The following SLC9A2 variants were observed in gnomAD, a reference collection of about 807,000 sequenced individuals.
The protein encoded by SLC9A2 is solute carrier family 9 member A2, also known as sodium/hydrogen exchanger 2.
In SLC9A2, 42 loss-of-function variants were observed where a neutral mutation model predicts 71.7. The ratio of observed to expected loss-of-function variants is 0.59; its 90% CI spans 0.46 to 0.76. The LOEUF (loss-of-function observed/expected upper bound fraction) is 0.76. SLC9A2 is among the 30% of genes least tolerant of loss of function. The probability of loss-of-function intolerance (pLI) is 0.00; values close to 1 mark genes in which losing one functional copy is unlikely to be tolerated. For synonymous variants in SLC9A2, 396 were observed against 392.5 expected (o/e 1.01, Z -0.10); for missense variants, 829 against 1,017.4 (o/e 0.81, Z 2.52).
In SLC9A2 at chr2:102,669,223, C is replaced by T. The variant is rs112281613; in HGVS notation, c.1004+3873C>T. Among the ~76,000 whole-genome samples the T allele has an allele frequency of 7.4e-3, 1,128 of 152,230 alleles. 6 individuals carry two copies. The highest frequency in any genetic ancestry group is 0.012 in the Non-Finnish European group (820 of 68,000). ...TCTTACAAAATATTTGGAGAGATGT[C>T]TTCTGAGTATTCTTAAATTTGGTTT... On this transcript the variant is annotated intron_variant, in intron 3 of 11. Coordinates refer to ENST00000233969, the MANE Select transcript of SLC9A2 (RefSeq NM_003048.6).
At chr2:102,665,452 G>A in intron 3 of SLC9A2, 102 bp downstream of exon 3, 1 of 1,240,872 alleles carries the variant, frequency 8.1e-7, no homozygotes, top group Non-Finnish European at 1.1e-6. Flanking sequence ...GAAACACTAG[G>A]TTTTCTTATT....
intron 1 of SLC9A2, among the ~76,000 whole-genome samples, chr2:102,642,494 A>T (rs1483414488): frequency 5.3e-5 from 8 of 152,060 alleles, no homozygotes; most frequent in African/African-American, 2.4e-5. Flanking sequence ...TTGAATATTG[A>T]ACCAGCCTTG....
intron 11 of SLC9A2, among the ~76,000 whole-genome samples, chr2:102,707,295 C>CTTTT (rs1186668605): frequency 1.4e-5 from 1 of 70,836 alleles, no homozygotes; most frequent in African/African-American, 4.8e-5. Context: ...CATTACCCCT[C>CTTTT]TTTTTTTATT....
At chr2:102,700,708 G>C (rs13412259) in intron 7 of SLC9A2, among the ~76,000 whole-genome samples, 36,167 of 151,958 alleles carry the variant, frequency 0.24, 4,687 homozygotes, top group Middle Eastern at 0.31. Flanking sequence ...GTAGAGAAAT[G>C]GTAAAGACAG....
At chr2:102,632,239 C>CATAT (rs369483748) in intron 1 of SLC9A2, among the ~76,000 whole-genome samples, 10 of 136,076 alleles carry the variant, frequency 7.3e-5, no homozygotes, top group African/African-American at 2.7e-4. Context: ...ATATATAATA[C>CATAT]ATATATATAT....
At chr2:102,691,646 C>T (rs534003967) in intron 5 of SLC9A2, among the ~76,000 whole-genome samples, 38 of 152,116 alleles carry the variant, frequency 2.5e-4, no homozygotes, top group South Asian at 2.5e-3. Flanking sequence ...ATAAAAAGGG[C>T]GACGATTAAA....
intron 1 of SLC9A2, among the ~76,000 whole-genome samples, chr2:102,632,023 T>TACAC (rs1320481772): frequency 1.3e-5 from 1 of 78,394 alleles, no homozygotes; most frequent in African/African-American, 4.1e-5. Flanking sequence ...TATATATATA[T>TACAC]ATATATATAT....
chr2:102,620,244 G>C, intron 1 of SLC9A2, 107 bp downstream of exon 1: 2 of 960,686 alleles, frequency 2.1e-6, no homozygotes, highest in African/African-American at 1.7e-5. Flanking sequence ...GCCTCATCTT[G>C]AATCAGGGCA....
chr2:102,688,816 A>G (rs1408761650), intron 5 of SLC9A2, among the ~76,000 whole-genome samples: 1 of 152,224 alleles, frequency 6.6e-6, no homozygotes, highest in Admixed American at 6.5e-5. Context: ...CTTTGGAAGG[A>G]AAAATGATTA....
At chr2:102,673,621 A>C (rs923951451) in intron 3 of SLC9A2, among the ~76,000 whole-genome samples, 2 of 151,984 alleles carry the variant, frequency 1.3e-5, no homozygotes, top group Non-Finnish European at 2.9e-5. Flanking sequence ...TGCTTTTTGG[A>C]CTGTTTCTTG....
intron 1 of SLC9A2, among the ~76,000 whole-genome samples, chr2:102,629,932 C>T (rs1263837281): frequency 6.6e-6 from 1 of 152,004 alleles, no homozygotes; most frequent in Admixed American, 6.6e-5. Context: ...AGTAAATTAG[C>T]TAATACATGT....
intron 3 of SLC9A2, among the ~76,000 whole-genome samples, chr2:102,679,370 CTA>C (rs57012390): frequency 0.4 from 59,380 of 147,500 alleles, 12,045 homozygotes; most frequent in East Asian, 0.53. Context: ...TACACCAAAG[CTA>C]TATATATATA....
Position 102,704,822 on chromosome 2 carries a change from A to G in SLC9A2, c.1977+147A>G, listed in dbSNP as rs539165001. On this transcript the variant is annotated intron_variant, in intron 10 of 11. Transcript: ENST00000233969. ...GCAGGAAGGCTGGGGTGGCCGGGGG[A>G]AGTGAGTGTTCACAGGTATTGTGGC... is the stretch of plus-strand genomic sequence containing the variant. The G allele has an allele frequency of 3.3e-4, 250 of 762,040 alleles. No individual in the cohort carries two copies. The African/African-American group carries it at 4.0e-3, about 12-fold the overall frequency. 47.2% of individuals were successfully genotyped at this position (762,040 alleles called of 1,614,324 possible).
intron 3 of SLC9A2, 113 bp downstream of exon 3, chr2:102,665,463 CT>C: frequency 8.3e-7 from 1 of 1,198,960 alleles, no homozygotes; most frequent in Non-Finnish European, 1.2e-6. Context: ...TTTTCTTATT[CT>C]TTTAAGAAAA....
chr2:102,645,648 T>A (rs971843302), intron 1 of SLC9A2, among the ~76,000 whole-genome samples: 1 of 151,920 alleles, frequency 6.6e-6, no homozygotes, highest in African/African-American at 2.4e-5. Context: ...GAGAACTTCA[T>A]GAAGCATACA....
chr2:102,648,815 T>A (rs896480597), intron 1 of SLC9A2, among the ~76,000 whole-genome samples: 9 of 152,138 alleles, frequency 5.9e-5, no homozygotes, highest in Non-Finnish European at 2.9e-5. Context: ...TACAGACCAC[T>A]GCTCAAGGAA....
intron 3 of SLC9A2, among the ~76,000 whole-genome samples, chr2:102,670,009 A>G (rs1028029656): frequency 2.8e-5 from 4 of 140,870 alleles, no homozygotes; most frequent in Admixed American, 2.3e-4. Flanking sequence ...TAAGTGCCCA[A>G]TATTTTTTTT....
At chr2:102,659,546 A>G (rs1677013592) in intron 2 of SLC9A2, among the ~76,000 whole-genome samples, 1 of 152,226 alleles carries the variant, frequency 6.6e-6, no homozygotes, top group Non-Finnish European at 1.5e-5. Flanking sequence ...ATAAAATGTC[A>G]TCTCTAAGGA....
chr2:102,637,943 G>A (rs909115196), intron 1 of SLC9A2, among the ~76,000 whole-genome samples: 8 of 152,258 alleles, frequency 5.3e-5, no homozygotes, highest in Non-Finnish European at 1.0e-4. Context: ...CGGGGAGCAA[G>A]CTGGACAGCC....
Sources: allele counts gnomAD v4.1 joint callset (sites outside exome capture counted in the v4.1 genomes callset), GRCh38; gene constraint gnomAD v4.1.1; transcripts MANE v1.5; gene names NCBI Gene and HGNC (gene_info 2026-07-23, HGNC 2026-07-21).